Variants in DAPK2 observed in about 807,000 individuals in gnomAD.
DAPK2 encodes death associated protein kinase 2, also known as death-associated protein kinase 2.
DAPK2 carries 35 observed loss-of-function variants against 44.1 expected under a neutral mutation model. The observed-to-expected ratio is 0.79, with a 90% CI of 0.61 to 1.05. DAPK2 has a LOEUF of 1.05. Among genes scored for constraint, DAPK2 ranks in the 50% least tolerant of loss-of-function variants. DAPK2 has a pLI of 0.00. For synonymous variants in DAPK2, 174 were observed against 182.6 expected (o/e 0.95, Z 0.38); for missense variants, 453 against 483.2 (o/e 0.94, Z 0.59).
rs185243000 is a variant in DAPK2 at position 63,912,086 on chromosome 15, G to A, written c.948+22C>T. 5.1e-3 allele frequency: 2,676 copies of A among 524,106 alleles called. 4 individuals carry two copies. Among genetic ancestry groups the A allele is most frequent in the Non-Finnish European group, 8.0e-3 (2,291 of 286,748 alleles). The allele number at this position is 524,106 out of a possible 1,614,324, so 32.5% of individuals were successfully genotyped here. On this transcript the variant is annotated intron_variant, in intron 9 of 10. Transcript: ENST00000261891. This position sits in a 1 kb window ranked among gnomAD's most constrained non-coding sequence, Gnocchi z 4.4. ...CGCCCTAGCCCCCACCCTGTCCCCC[G>A]CCGCCCCAACCCTGGACACACCTTC...
At chr15:64,038,540 C>G (rs2080270995) in intron 1 of DAPK2, among the ~76,000 whole-genome samples, 2 of 152,186 alleles carry the variant, frequency 1.3e-5, no homozygotes. Flanking sequence ...AGTCATTCCC[C>G]TCTGGGGTCT....
intron 3 of DAPK2, among the ~76,000 whole-genome samples, chr15:63,946,507 A>G (rs1235422091): frequency 6.6e-6 from 1 of 152,174 alleles, no homozygotes; most frequent in Admixed American, 6.5e-5. Flanking sequence ...TGATTGAGAG[A>G]GATGGTTTAT....
Position 63,925,678 on chromosome 15 carries a change from G to GCGCGCGCA in DAPK2, c.812+262_812+263insTGCGCGCG, listed in dbSNP as rs1352051474. Among the ~76,000 whole-genome samples the GCGCGCGCA allele has an allele frequency of 3.2e-3, 445 of 138,532 alleles. 1 individual carries two copies. Among genetic ancestry groups the GCGCGCGCA allele is most frequent in the African/African-American group, 0.011 (397 of 35,704 alleles). The allele number at this position is 138,532 out of a possible 152,430, so 90.9% of individuals were successfully genotyped here. A position where few individuals can be genotyped will look rare whatever the true frequency, so the allele number is the denominator to read the frequency against. On this transcript the variant is annotated intron_variant, in intron 7 of 10. Transcript: ENST00000261891. ...AAAGAAACCCAGGCTGACTTGTAGC[G>GCGCGCGCA]CACACACACACACACACACACACAC... is the stretch of plus-strand genomic sequence containing the variant.
chr15:63,922,755 G>C (rs920762), intron 8 of DAPK2: 677,042 of 1,518,316 alleles, frequency 0.45, 156,023 homozygotes, highest in Non-Finnish European at 0.47. Context: ...CAGCCTGCCA[G>C]AAATTCCTCA....
chr15:63,989,532 T>C (rs1343597618), intron 1 of DAPK2, among the ~76,000 whole-genome samples: 1 of 152,122 alleles, frequency 6.6e-6, no homozygotes, highest in African/African-American at 2.4e-5. Flanking sequence ...TACCAAGTAG[T>C]GAGGAGAGGG....
At chr15:63,948,335 G>C (rs1445961360) in intron 3 of DAPK2, among the ~76,000 whole-genome samples, 1 of 145,110 alleles carries the variant, frequency 6.9e-6, no homozygotes, top group African/African-American at 2.5e-5. Flanking sequence ...GGCTGTACAG[G>C]AAGCATAGCA....
At chr15:64,033,914 CAA>C (rs1301906196) in intron 1 of DAPK2, among the ~76,000 whole-genome samples, 28 of 103,578 alleles carry the variant, frequency 2.7e-4, no homozygotes, top group Admixed American at 4.1e-4. Context: ...GACTCTGTCT[CAA>C]AAAAAAAAAA....
intron 1 of DAPK2, among the ~76,000 whole-genome samples, chr15:64,011,443 C>T (rs2079387332): frequency 6.6e-6 from 1 of 152,158 alleles, no homozygotes; most frequent in Non-Finnish European, 1.5e-5. Context: ...CACCTGTAAT[C>T]CAAGCTACTC....
At chr15:63,942,705 ACT>A (rs1192475041) in intron 3 of DAPK2, among the ~76,000 whole-genome samples, 1 of 151,412 alleles carries the variant, frequency 6.6e-6, no homozygotes, top group Non-Finnish European at 1.5e-5. Flanking sequence ...TGCCTGGAAC[ACT>A]CTCCCTGCAC....
intron 1 of DAPK2, among the ~76,000 whole-genome samples, chr15:64,010,636 C>A (rs1244566573): frequency 2.0e-5 from 3 of 152,192 alleles, no homozygotes; most frequent in Admixed American, 6.5e-5. Flanking sequence ...AGAGTTGGCA[C>A]TTTAATTGTT....
At chr15:64,031,059 T>C (rs1201818844) in intron 1 of DAPK2, among the ~76,000 whole-genome samples, 3 of 151,848 alleles carry the variant, frequency 2.0e-5, no homozygotes, top group South Asian at 4.2e-4. Flanking sequence ...CTTTGTAATC[T>C]GACAGAGCTA....
At chr15:63,969,063 C>A (rs1419553557) in intron 3 of DAPK2, among the ~76,000 whole-genome samples, 1 of 152,142 alleles carries the variant, frequency 6.6e-6, no homozygotes, top group Non-Finnish European at 1.5e-5. Context: ...CCTTGGTGAC[C>A]CCCATTTTTA....
At chr15:64,042,591 C>T (rs1258289665), upstream of DAPK2, among the ~76,000 whole-genome samples, 1 of 152,210 alleles carries the variant, frequency 6.6e-6, no homozygotes, top group Non-Finnish European at 1.5e-5. This position sits in a 1 kb window ranked among gnomAD's most constrained non-coding sequence, Gnocchi z 4.7. Flanking sequence ...CTGCCTTGGG[C>T]TCTATATCCT....
intron 7 of DAPK2, 130 bp downstream of exon 8, chr15:63,925,811 C>T (rs1005582321): frequency 1.7e-6 from 2 of 1,193,136 alleles, no homozygotes; most frequent in Non-Finnish European, 2.4e-6. Flanking sequence ...CTTTCCAGCA[C>T]CTGCCCGGAT....
intron 10 of DAPK2, 187 bp downstream of exon 11, chr15:63,911,697 TGGTCCCCTCCCGGCACCACCCAGA>T (rs1462633051): frequency 1.7e-6 from 1 of 589,776 alleles, no homozygotes; most frequent in African/African-American, 1.9e-5. Context: ...GCTGCATCAG[TGGTCCCCTCCCGGCACCACCCAGA>T]GGTCCCCAGA....
chr15:63,942,710 CCCTGCACTA>C (rs2077342846), intron 3 of DAPK2, among the ~76,000 whole-genome samples: 1 of 152,142 alleles, frequency 6.6e-6, no homozygotes, highest in African/African-American at 2.4e-5. Flanking sequence ...GGAACACTCT[CCCTGCACTA>C]CCCCAACCCC....
At chr15:63,994,341 T>C (rs542088969) in intron 1 of DAPK2, among the ~76,000 whole-genome samples, 17 of 152,062 alleles carry the variant, frequency 1.1e-4, no homozygotes, top group Admixed American at 4.6e-4. Context: ...GAACCCTTCA[T>C]TGGCAGACTC....
chr15:63,977,177 T>TC (rs1420447794), intron 2 of DAPK2, among the ~76,000 whole-genome samples: 1 of 152,238 alleles, frequency 6.6e-6, no homozygotes, highest in Non-Finnish European at 1.5e-5. Flanking sequence ...ATATGTACCA[T>TC]CTGCCATAGC....
At chr15:63,936,022 G>A (rs1437287536) in intron 4 of DAPK2, 1 of 152,114 alleles carries the variant, frequency 6.6e-6, no homozygotes, top group Non-Finnish European at 1.5e-5. Context: ...TCATTCTTGT[G>A]AGTCTACCTT....
Sources: allele counts gnomAD v4.1 joint callset (sites outside exome capture counted in the v4.1 genomes callset), GRCh38; gene constraint gnomAD v4.1.1; non-coding constraint Gnocchi (gnomAD v3.1); transcripts MANE v1.5; gene names NCBI Gene and HGNC (gene_info 2026-07-23, HGNC 2026-07-21).